The following TUSC3 variants were observed in gnomAD, a reference collection of about 807,000 sequenced individuals.
TUSC3 encodes the protein dolichyl-diphosphooligosaccharide--protein glycosyltransferase subunit TUSC3.
In TUSC3, 45 loss-of-function variants were observed where a neutral mutation model predicts 44.8. That is an observed-to-expected ratio of 1.00 (90% CI 0.79 to 1.29). The LOEUF (loss-of-function observed/expected upper bound fraction) is 1.29, where lower values mean the gene tolerates loss of function less well. Among genes scored for constraint, TUSC3 ranks in the 50% most tolerant of loss-of-function variants. TUSC3 has a pLI of 0.00. For missense variants in TUSC3, 519 were observed against 437.9 expected (o/e 1.19, Z -1.65); for synonymous variants, 212 against 152.9 (o/e 1.39, Z -2.85).
At chr8:15,629,039 G>C (rs1423863580) in intron 2 of TUSC3, among the ~76,000 whole-genome samples, 1 of 152,196 alleles carries the variant, frequency 6.6e-6, no homozygotes, top group African/African-American at 2.4e-5. Context: ...GTAGGATAGG[G>C]TTGAAAATTA....
intron 8 of TUSC3, 146 bp downstream of exon 8, chr8:15,743,758 T>G (rs1811293578): frequency 1.1e-6 from 1 of 892,792 alleles, no homozygotes. Context: ...TTTCTATTGC[T>G]GGGATGTGTT....
chr8:15,722,389 A>G (rs1052793306), intron 6 of TUSC3, among the ~76,000 whole-genome samples: 1 of 152,030 alleles, frequency 6.6e-6, no homozygotes, highest in Non-Finnish European at 1.5e-5. Flanking sequence ...GGGACTGAAT[A>G]AGACCAAGCA....
intron 1 of TUSC3, among the ~76,000 whole-genome samples, chr8:15,554,744 A>T (rs1308790926): frequency 1.3e-5 from 2 of 150,118 alleles, no homozygotes; most frequent in African/African-American, 4.9e-5. Context: ...CTGGGACCAC[A>T]GGCGCCCTCA....
chr8:15,766,432 C>T lies in TUSC3; in HGVS notation c.*2276C>T, dbSNP rs1285678480. 6.6e-6 allele frequency: 1 copy of T among 152,070 alleles called. No individual in the cohort carries two copies. The highest frequency in any genetic ancestry group is 1.5e-5 in the Non-Finnish European group (1 of 67,984). 9.4% of individuals were successfully genotyped at this position (152,070 alleles called of 1,614,324 possible). On this transcript the variant is annotated 3_prime_UTR_variant, in exon 11 of 11. Transcript: ENST00000503731. ...CCTGGTATGTTATATCCTCCAGTGT[C>T]ACTTTTTAACCAGATTCACTGTGCG...
chr8:15,445,959 C>T (rs1008832289), intron 1 of TUSC3, among the ~76,000 whole-genome samples: 1 of 150,934 alleles, frequency 6.6e-6, no homozygotes, highest in Non-Finnish European at 1.5e-5. Context: ...GGCTGCCCCC[C>T]ACCTCGCGGA....
chr8:15,576,737 G>C (rs1413535859), intron 1 of TUSC3, among the ~76,000 whole-genome samples: 12 of 135,744 alleles, frequency 8.8e-5, no homozygotes, highest in Non-Finnish European at 1.6e-4. Flanking sequence ...TTGGTTCCAA[G>C]TCTTTGCTAT....
chr8:15,600,265 G>A (rs1326359384), intron 1 of TUSC3, among the ~76,000 whole-genome samples: 1 of 151,668 alleles, frequency 6.6e-6, no homozygotes, highest in Non-Finnish European at 1.5e-5. Flanking sequence ...TATGGCCTTT[G>A]TAATGACAGC....
chr8:15,593,391 A>G (rs942524673), intron 1 of TUSC3, among the ~76,000 whole-genome samples: 2 of 152,176 alleles, frequency 1.3e-5, no homozygotes, highest in African/African-American at 2.4e-5. Flanking sequence ...CGGTCAGTAT[A>G]TTAGTGTGCT....
chr8:15,819,711 T>A, the TUSC3 span, among the ~76,000 whole-genome samples: 1 of 152,220 alleles, frequency 6.6e-6, no homozygotes, highest in African/African-American at 2.4e-5. Flanking sequence ...CTTGACTTAG[T>A]AATGTTACAA....
intron 3 of TUSC3, among the ~76,000 whole-genome samples, chr8:15,658,667 A>G (rs979223374): frequency 7.2e-6 from 1 of 139,446 alleles, no homozygotes; most frequent in African/African-American, 2.9e-5. Flanking sequence ...CACAAATACA[A>G]TATATATACA....
At chr8:15,591,651 A>G (rs1803841806) in intron 1 of TUSC3, among the ~76,000 whole-genome samples, 1 of 152,150 alleles carries the variant, frequency 6.6e-6, no homozygotes. Context: ...TTTATTTTTG[A>G]CTTGTGGAGT....
chr8:15,634,923 C>G (rs1805995481), intron 2 of TUSC3, among the ~76,000 whole-genome samples: 1 of 152,206 alleles, frequency 6.6e-6, no homozygotes, highest in South Asian at 2.1e-4. Flanking sequence ...ACTTTGGCCT[C>G]CGTAGGCCAC....
intron 9 of TUSC3, among the ~76,000 whole-genome samples, chr8:15,757,487 T>C (rs948322587): frequency 6.6e-6 from 1 of 152,164 alleles, no homozygotes; most frequent in African/African-American, 2.4e-5. Context: ...GCTGTACAAA[T>C]AGAACAATAA....
rs1491232177 is a variant in TUSC3, at chr8:15,573,230, A to ATATATATATATATATATAT, written c.138+32662_138+32663insTATATATATATATATATAT. Reference sequence around the variant, plus strand: ...TATATATATATATATATATATATATAAAAGTTTTTTTTTTTTTGGGCATAC... The same window carrying ATATATATATATATATATAT: ...TATATATATATATATATATATATATATATATATATATATATATATAAAGTTTTTTTTTTTTTGGGCATAC... On this transcript the variant is annotated intron_variant, in intron 1 of 10. Coordinates refer to ENST00000503731, the MANE Select transcript of TUSC3 (RefSeq NM_006765.4). 1.6e-4 allele frequency among the ~76,000 whole-genome samples: 17 copies of ATATATATATATATATATAT among 106,106 alleles called. 1 individual carries two copies. Among genetic ancestry groups the ATATATATATATATATATAT allele is most frequent in the Middle Eastern group, 4.9e-3 (1 of 206 alleles). 69.6% of individuals were successfully genotyped at this position (106,106 alleles called of 152,430 possible). A position where few individuals can be genotyped will look rare whatever the true frequency, so the allele number is the denominator to read the frequency against.
chr8:15,726,309 C>G (rs935925133), intron 6 of TUSC3, among the ~76,000 whole-genome samples: 1 of 151,794 alleles, frequency 6.6e-6, no homozygotes, highest in African/African-American at 2.4e-5. Flanking sequence ...TTTTTATTTT[C>G]AAGTATGTTA....
intron 2 of TUSC3, among the ~76,000 whole-genome samples, chr8:15,531,967 A>G (rs1054665176): frequency 1.1e-4 from 17 of 152,362 alleles, no homozygotes; most frequent in African/African-American, 3.8e-4. Flanking sequence ...ATTTTATTTC[A>G]GGTAGAAGAT....
intron 5 of TUSC3, 38 bp from the exon 6 acceptor site, chr8:15,673,709 C>G (rs1432912886): frequency 1.4e-6 from 2 of 1,471,988 alleles, no homozygotes; most frequent in Non-Finnish European, 1.9e-6. Flanking sequence ...CTGGTATTCT[C>G]TGGTTTACAT....
downstream of TUSC3, among the ~76,000 whole-genome samples, chr8:15,769,936 G>C (rs1221033012): frequency 6.6e-6 from 1 of 152,216 alleles, no homozygotes; most frequent in Admixed American, 6.5e-5. Context: ...AGGATGTGGA[G>C]AAATAGGAAT....
the TUSC3 span, among the ~76,000 whole-genome samples, chr8:15,797,720 C>G: frequency 6.6e-6 from 1 of 152,172 alleles, no homozygotes; most frequent in Non-Finnish European, 1.5e-5. Flanking sequence ...TGAATGAGAA[C>G]TATTCTAGAT....
Sources: allele counts gnomAD v4.1 joint callset (sites outside exome capture counted in the v4.1 genomes callset), GRCh38; gene constraint gnomAD v4.1.1; transcripts MANE v1.5; gene names NCBI Gene and HGNC (gene_info 2026-07-23, HGNC 2026-07-21).